KLHL7: variants seen among roughly 807,000 people sequenced by gnomAD.
KLHL7 encodes the protein kelch like family member 7, also known as kelch-like protein 7.
Under a neutral mutation model 67.4 loss-of-function variants are expected in KLHL7, and 44 were observed. The ratio of observed to expected loss-of-function variants is 0.65; its 90% CI spans 0.51 to 0.84. The LOEUF (loss-of-function observed/expected upper bound fraction) is 0.84. Ranked by LOEUF, KLHL7 falls within the 40% of genes least tolerant of loss-of-function variation. The probability of loss-of-function intolerance (pLI) is 0.00; values close to 1 mark genes in which losing one functional copy is unlikely to be tolerated. For missense variants in KLHL7, 362 were observed against 718.1 expected (o/e 0.50, Z 5.67); for synonymous variants, 252 against 243.3 (o/e 1.04, Z -0.33).
chr7:23,127,770 A>G (rs970238872), intron 4 of KLHL7, among the ~76,000 whole-genome samples: 1 of 152,112 alleles, frequency 6.6e-6, no homozygotes, highest in South Asian at 2.1e-4. Context: ...GCTACTCCGG[A>G]GGCCGAGGCG....
intron 6 of KLHL7, among the ~76,000 whole-genome samples, chr7:23,148,273 A>G (rs1036701724): frequency 1.3e-5 from 2 of 152,182 alleles, no homozygotes; most frequent in African/African-American, 4.8e-5. Flanking sequence ...ATTAAATGAA[A>G]ACAAAACTGA....
At chr7:23,151,722 C>T (rs930367523) in intron 6 of KLHL7, among the ~76,000 whole-genome samples, 17 of 152,098 alleles carry the variant, frequency 1.1e-4, no homozygotes, top group African/African-American at 4.1e-4. Context: ...CTAGGTGATT[C>T]TAATGTAAAG....
At chr7:23,167,685 T>A in intron 8 of KLHL7, 151 bp from the exon 9 acceptor site, 1 of 680,520 alleles carries the variant, frequency 1.5e-6, no homozygotes, top group Non-Finnish European at 2.6e-6. Flanking sequence ...TTTCTTAAAC[T>A]ATTCCTACAC....
At chr7:23,166,082 C>T (rs1216084385) in intron 8 of KLHL7, 144 bp downstream of exon 8, 10 of 976,116 alleles carry the variant, frequency 1.0e-5, no homozygotes, top group South Asian at 1.0e-4. Context: ...TTTTAGAGCT[C>T]ATCTCCCTGA....
chr7:23,164,263 G>A (rs1433250357), intron 7 of KLHL7, among the ~76,000 whole-genome samples: 4 of 152,042 alleles, frequency 2.6e-5, no homozygotes, highest in Non-Finnish European at 4.4e-5. Flanking sequence ...TAAATTAGGG[G>A]TAAGAGTGAC....
At chr7:23,117,524 C>T (rs921095787) in intron 1 of KLHL7, among the ~76,000 whole-genome samples, 7 of 152,184 alleles carry the variant, frequency 4.6e-5, no homozygotes, top group African/African-American at 1.7e-4. Flanking sequence ...CTTTCCTTTG[C>T]AAAGCTGTTT....
chr7:23,167,715 T>C, intron 8 of KLHL7, 121 bp from the exon 9 acceptor site: 1 of 785,472 alleles, frequency 1.3e-6, no homozygotes, highest in Non-Finnish European at 2.2e-6. Context: ...GTTGATTGAG[T>C]ATGAAAATGG....
At chr7:23,124,382 C>T (rs534414008) in intron 2 of KLHL7, among the ~76,000 whole-genome samples, 1 of 151,948 alleles carries the variant, frequency 6.6e-6, no homozygotes, top group African/African-American at 2.4e-5. Flanking sequence ...CCAAGTCCTA[C>T]TTCCTCTACT....
chr7:23,142,809 C>G (rs965884757), intron 5 of KLHL7, among the ~76,000 whole-genome samples: 1 of 152,084 alleles, frequency 6.6e-6, no homozygotes, highest in African/African-American at 2.4e-5. Context: ...CTAGAAGATT[C>G]TAAGGTTTAA....
rs1785298345 is a variant in KLHL7 at position 23,176,597 on chromosome 7, A to C, written c.*2299A>C. On this transcript the variant is annotated 3_prime_UTR_variant, in exon 11 of 11. Transcript: ENST00000339077. ...TGAGGTGGGAGGATCACTTGAGCCCAGGAGTTCAAGGATGTAGTGAGCTAT... is the reference window on the plus strand; with the variant it reads ...TGAGGTGGGAGGATCACTTGAGCCCCGGAGTTCAAGGATGTAGTGAGCTAT... The C allele has an allele frequency of 6.6e-6, 1 of 151,918 alleles. No homozygotes were observed. Among genetic ancestry groups the C allele is most frequent in the African/African-American group, 2.4e-5 (1 of 41,196 alleles). 9.4% of individuals were successfully genotyped at this position (151,918 alleles called of 1,614,324 possible).
chr7:23,152,943 A>T (rs1784584981), intron 7 of KLHL7, among the ~76,000 whole-genome samples: 1 of 152,178 alleles, frequency 6.6e-6, no homozygotes. Context: ...CAAACTTGCA[A>T]GGTGATATCC....
intron 4 of KLHL7, among the ~76,000 whole-genome samples, chr7:23,138,506 A>G (rs978004619): frequency 6.8e-6 from 1 of 147,376 alleles, no homozygotes; most frequent in Non-Finnish European, 1.5e-5. Context: ...ACCTGAAGCC[A>G]GTAACCTCAG....
chr7:23,163,715 A>T (rs1637244), intron 7 of KLHL7, among the ~76,000 whole-genome samples: 11,457 of 152,194 alleles, frequency 0.075, 603 homozygotes, highest in African/African-American at 0.14. Context: ...ATAGGACTTT[A>T]TACATGGATG....
intron 1 of KLHL7, among the ~76,000 whole-genome samples, chr7:23,121,671 A>G (rs1783347900): frequency 7.2e-6 from 1 of 139,444 alleles, no homozygotes; most frequent in African/African-American, 2.8e-5. Flanking sequence ...ACTATAGGTC[A>G]GTCCCATCCT....
rs1431168749 is a variant in KLHL7, at chr7:23,172,997, G to C, written c.1429G>C (p.Val477Leu). Residue 477 changes from valine (V) to leucine (L), a missense_variant, in exon 10 of 11, where the codon GTA (valine) becomes CTA (leucine). Val to Leu is a conservative substitution (Grantham distance 32, BLOSUM62 1). This residue lies in a region of KLHL7 where 136 missense variants were observed against 252.7 expected (regional missense o/e 0.54). Transcript: ENST00000339077. ...TGAAGCCAGGAAGAATCATGGGCTG[G>C]TATTTGTAAAAGACAAGATATTTGC... ...MIEARKNHGL[V>L]FVKDKIFAVG... 1 of 1,613,890 alleles carries C rather than the reference G, an allele frequency of 6.2e-7. No homozygotes were observed. Among genetic ancestry groups the C allele is most frequent in the East Asian group, 2.2e-5 (1 of 44,828 alleles).
chr7:23,125,944 T>TAC (rs1413447105), intron 4 of KLHL7: 1 of 1,155,458 alleles, frequency 8.7e-7, no homozygotes, highest in Non-Finnish European at 1.3e-6. Flanking sequence ...ATCCTATATA[T>TAC]ACTGTGTTTT....
chr7:23,148,811 G>C (rs1461965236), intron 6 of KLHL7, among the ~76,000 whole-genome samples: 1 of 152,188 alleles, frequency 6.6e-6, no homozygotes, highest in Non-Finnish European at 1.5e-5. Flanking sequence ...ACTTGAGCAG[G>C]ATGCTTTGTT....
At chr7:23,124,887 C>A in intron 3 of KLHL7, 106 bp downstream of exon 3, 1 of 1,119,934 alleles carries the variant, frequency 8.9e-7, no homozygotes, top group Non-Finnish European at 1.3e-6. Flanking sequence ...AAATGAAAAA[C>A]CGCAAGGATG....
intron 1 of KLHL7, among the ~76,000 whole-genome samples, chr7:23,123,383 C>T (rs1233577880): frequency 2.0e-5 from 3 of 151,402 alleles, no homozygotes; most frequent in Middle Eastern, 3.4e-3. Flanking sequence ...AAACTAATTG[C>T]TGTGTTTGAA....
Sources: allele counts gnomAD v4.1 joint callset (sites outside exome capture counted in the v4.1 genomes callset), GRCh38; gene constraint gnomAD v4.1.1; regional missense constraint gnomAD v4.1.1; transcripts MANE v1.5; gene names NCBI Gene and HGNC (gene_info 2026-07-23, HGNC 2026-07-21).